MAN1C1: variants seen among roughly 807,000 people sequenced by gnomAD.
MAN1C1 encodes mannosyl-oligosaccharide 1,2-alpha-mannosidase IC.
A neutral mutation model predicts 71.5 loss-of-function variants in MAN1C1; 49 were observed. The observed-to-expected ratio is 0.69, with a 90% CI of 0.54 to 0.87. The LOEUF is 0.87. Among genes scored for constraint, MAN1C1 ranks in the 40% least tolerant of loss-of-function variants. The probability of loss-of-function intolerance (pLI) is 0.00; values close to 1 mark genes in which losing one functional copy is unlikely to be tolerated. For synonymous variants in MAN1C1, 352 were observed against 343.7 expected (o/e 1.02, Z -0.27); for missense variants, 743 against 835.0 (o/e 0.89, Z 1.36).
At chr1:25,727,594 A>G (rs921434687) in intron 2 of MAN1C1, among the ~76,000 whole-genome samples, 1 of 152,240 alleles carries the variant, frequency 6.6e-6, no homozygotes, top group Non-Finnish European at 1.5e-5. Context: ...GCAAAAGGAC[A>G]CGGAGTGCCC....
intron 2 of MAN1C1, among the ~76,000 whole-genome samples, chr1:25,732,053 G>C (rs2046916330): frequency 6.6e-6 from 1 of 152,122 alleles, no homozygotes; most frequent in Non-Finnish European, 1.5e-5. Flanking sequence ...GGGGATCAGT[G>C]GTGGGGCCCA....
intron 2 of MAN1C1, among the ~76,000 whole-genome samples, chr1:25,745,672 C>G (rs1164370369): frequency 6.6e-6 from 1 of 152,208 alleles, no homozygotes; most frequent in Admixed American, 6.5e-5. Flanking sequence ...TACAACTAAT[C>G]TTGAAGAGAC....
chr1:25,759,966 G>A (rs541141536), intron 6 of MAN1C1: 4 of 152,256 alleles, frequency 2.6e-5, no homozygotes, highest in East Asian at 1.9e-4. Flanking sequence ...TTGAAAGTTC[G>A]TGGAATGAGT....
chr1:25,680,633 C>T (rs551324971), intron 1 of MAN1C1, among the ~76,000 whole-genome samples: 35 of 152,208 alleles, frequency 2.3e-4, no homozygotes, highest in South Asian at 4.1e-4. Flanking sequence ...ATGCTGTAGC[C>T]TGCAACAGTG....
chr1:25,627,209 T>G (rs2124750556), intron 1 of MAN1C1, among the ~76,000 whole-genome samples: 1 of 152,358 alleles, frequency 6.6e-6, no homozygotes, highest in Admixed American at 6.5e-5. Context: ...TGTTTCTGGA[T>G]TTTTCCACTC....
Position 25,775,111 on chromosome 1 carries a change from C to G in MAN1C1, c.1258-2994C>G, listed in dbSNP as rs1288410768. Among the ~76,000 whole-genome samples, 12 of 152,220 alleles carry G rather than the reference C, an allele frequency of 7.9e-5. No individual in the cohort carries two copies. Among genetic ancestry groups the G allele is most frequent in the African/African-American group, 2.9e-4 (12 of 41,452 alleles). On this transcript the variant is annotated intron_variant, in intron 8 of 11. Coordinates refer to ENST00000374332, the MANE Select transcript of MAN1C1 (RefSeq NM_020379.4). The surrounding 1 kb of genome is among the most constrained non-coding windows in gnomAD (Gnocchi z 5.1). ...GGTGCCAGGTCTGGTGCGCAGCATC[C>G]TGAGGTCTCCCTCAGATGTCTGTGT...
At chr1:25,630,604 A>G (rs2045364534) in intron 1 of MAN1C1, among the ~76,000 whole-genome samples, 1 of 152,156 alleles carries the variant, frequency 6.6e-6, no homozygotes, top group Non-Finnish European at 1.5e-5. Flanking sequence ...TTCTCCTTGT[A>G]GAGAAATTTC....
chr1:25,781,193 G>T, intron 10 of MAN1C1, 81 bp downstream of exon 10: 2 of 1,514,336 alleles, frequency 1.3e-6, no homozygotes, highest in Non-Finnish European at 1.8e-6. Flanking sequence ...GCCCTGGCTT[G>T]GGCCTGGAGT....
chr1:25,642,614 A>G (rs899143739), intron 1 of MAN1C1, among the ~76,000 whole-genome samples: 79 of 152,358 alleles, frequency 5.2e-4, no homozygotes, highest in Non-Finnish European at 2.2e-4. Flanking sequence ...CCAACTTGCA[A>G]TCGTTCTTCA....
intron 2 of MAN1C1, among the ~76,000 whole-genome samples, chr1:25,692,723 A>T (rs2046324361): frequency 6.6e-6 from 1 of 152,180 alleles, no homozygotes; most frequent in South Asian, 2.1e-4. Context: ...CGCCAAGAAC[A>T]CAGTGGGGTA....
chr1:25,648,159 A>G (rs150579308), intron 1 of MAN1C1, among the ~76,000 whole-genome samples: 47 of 152,324 alleles, frequency 3.1e-4, no homozygotes, highest in Admixed American at 6.5e-4. Flanking sequence ...TAGCAGTGCT[A>G]CCATCTCCTG....
chr1:25,749,143 A>G lies in MAN1C1; in HGVS notation c.754-112A>G, dbSNP rs2047177374. ...AAACCATCGTCACCTTGCCTGGCTT[A>G]CCAGAGCCGGGGACAGGTATGGGAG... is the stretch of plus-strand genomic sequence containing the variant. On this transcript the variant is annotated intron_variant, in intron 3 of 11. Coordinates refer to ENST00000374332, the MANE Select transcript of MAN1C1 (RefSeq NM_020379.4). 6.4e-6 allele frequency: 5 copies of G among 777,674 alleles called. No homozygotes were observed. In the Admixed American group the frequency reaches 1.4e-4, roughly 22 times the overall value. The allele number at this position is 777,674 out of a possible 1,614,324, so 48.2% of individuals were successfully genotyped here.
chr1:25,723,709 T>G (rs2046796605), intron 2 of MAN1C1, among the ~76,000 whole-genome samples: 1 of 152,234 alleles, frequency 6.6e-6, no homozygotes, highest in South Asian at 2.1e-4. Context: ...CATCATCATC[T>G]GTAGAGTGGG....
At chr1:25,765,828 C>T (rs1204061658) in intron 7 of MAN1C1, among the ~76,000 whole-genome samples, 3 of 152,184 alleles carry the variant, frequency 2.0e-5, no homozygotes, top group Non-Finnish European at 4.4e-5. Context: ...CCCCCAGGGA[C>T]GACCTCACCC....
chr1:25,640,185 A>C (rs1255447243), intron 1 of MAN1C1, among the ~76,000 whole-genome samples: 1 of 152,202 alleles, frequency 6.6e-6, no homozygotes, highest in Non-Finnish European at 1.5e-5. Flanking sequence ...TCATTCAGAA[A>C]ATTTCAATGT....
chr1:25,640,946 T>C (rs1211757824), intron 1 of MAN1C1, among the ~76,000 whole-genome samples: 1 of 152,178 alleles, frequency 6.6e-6, no homozygotes, highest in Non-Finnish European at 1.5e-5. Flanking sequence ...ATGATAAGGT[T>C]CTCTGTGCTC....
chr1:25,625,314 C>T (rs1435299461), intron 1 of MAN1C1, among the ~76,000 whole-genome samples: 2 of 152,128 alleles, frequency 1.3e-5, no homozygotes, highest in African/African-American at 2.4e-5. Flanking sequence ...ATGCACAGAT[C>T]TTAAATATAC....
chr1:25,747,695 A>G (rs1326831389), intron 3 of MAN1C1, among the ~76,000 whole-genome samples: 1 of 152,138 alleles, frequency 6.6e-6, no homozygotes, highest in Non-Finnish European at 1.5e-5. Flanking sequence ...GCAACACTTT[A>G]GGGGAGCTTC....
rs957249997 is a variant in MAN1C1, at chr1:25,776,371, T to G, written c.1258-1734T>G. On this transcript the variant is annotated intron_variant, in intron 8 of 11. Coordinates refer to ENST00000374332, the MANE Select transcript of MAN1C1 (RefSeq NM_020379.4). This position sits in a 1 kb window ranked among gnomAD's most constrained non-coding sequence, Gnocchi z 4.3. ...TTCAAGACCAGCCTGGCCAACATGG[T>G]GAAACCCCATCTCTACTAAAAATAC... 1.2e-4 allele frequency among the ~76,000 whole-genome samples: 19 copies of G among 152,128 alleles called. No individual in the cohort carries two copies. Among genetic ancestry groups the G allele is most frequent in the Admixed American group, 5.2e-4 (8 of 15,292 alleles).
Sources: gnomAD v4.1 joint callset for allele counts (sites outside exome capture counted in the v4.1 genomes callset) on GRCh38, gnomAD v4.1.1 for gene constraint, Gnocchi (gnomAD v3.1) non-coding constraint, MANE v1.5 for transcripts, NCBI Gene and HGNC (gene_info 2026-07-23, HGNC 2026-07-21) for gene names.